Variants in RBX1 observed in about 807,000 individuals in gnomAD.
The protein encoded by RBX1 is ring-box 1.
For missense variants in RBX1, 46 were observed against 141.4 expected, an observed-to-expected ratio of 0.33 and a Z score of 3.42; for synonymous variants, 48 against 47.9, an observed-to-expected ratio of 1.00 and a Z score of -0.01.
At chr22:40,953,709 CT>C (rs1378720737) in intron 2 of RBX1, 76 bp downstream of exon 2, 1 of 988,916 alleles carries the variant, frequency 1.0e-6, no homozygotes, top group East Asian at 2.5e-5. Context: ...GACTGATTTT[CT>C]TCTTCACACG....
rs140699705 is a variant in RBX1 at position 40,964,979 on chromosome 22, C to T, written c.228+862C>T. Among the ~76,000 whole-genome samples the T allele has an allele frequency of 9.1e-4, 139 of 152,250 alleles. 2 individuals carry two copies. In the Middle Eastern group the frequency reaches 0.014, roughly 15 times the overall value. Reference sequence around the variant, plus strand: ...TGTTAAAATGTGATTAAACAACTCCCGGCACATAGTAAGCACAAGTGCTTG... The same window carrying T: ...TGTTAAAATGTGATTAAACAACTCCTGGCACATAGTAAGCACAAGTGCTTG... On this transcript the variant is annotated intron_variant, in intron 3 of 4. Coordinates refer to ENST00000216225, the MANE Select transcript of RBX1 (RefSeq NM_014248.4).
rs1029529305 is a variant in RBX1 at position 40,972,966 on chromosome 22, T to TG, written c.*481dup. ...AGTTCTGAGTCCTGGTTCCACAGCTTGGGTACTGATGGCAATCTTGGCCAA... is the reference window on the plus strand; with the variant it reads ...AGTTCTGAGTCCTGGTTCCACAGCTTGGGGTACTGATGGCAATCTTGGCCAA... On this transcript the variant is annotated 3_prime_UTR_variant, in exon 5 of 5. Transcript: ENST00000216225. 1 of 159,622 alleles carries TG rather than the reference T, an allele frequency of 6.3e-6. No individual in the cohort carries two copies. The highest frequency in any genetic ancestry group is 2.4e-5 in the African/African-American group (1 of 41,610). The allele number at this position is 159,622 out of a possible 1,614,324, so 9.9% of individuals were successfully genotyped here.
intron 2 of RBX1, among the ~76,000 whole-genome samples, chr22:40,955,724 T>C (rs1466031856): frequency 1.3e-5 from 2 of 152,240 alleles, no homozygotes; most frequent in African/African-American, 4.8e-5. Flanking sequence ...TGTTTTCAAC[T>C]TGAAAAGCAC....
chr22:40,969,102 T>G (rs892164955), intron 4 of RBX1, among the ~76,000 whole-genome samples: 1 of 151,808 alleles, frequency 6.6e-6, no homozygotes, highest in African/African-American at 2.4e-5. Context: ...TCACCTGAGG[T>G]TGGGTGTTCA....
At chr22:40,962,829 A>G (rs1448915030) in intron 2 of RBX1, among the ~76,000 whole-genome samples, 1 of 149,698 alleles carries the variant, frequency 6.7e-6, no homozygotes, top group Non-Finnish European at 1.5e-5. Flanking sequence ...AGTAGCTGGG[A>G]CTACAGGCAC....
intron 2 of RBX1, among the ~76,000 whole-genome samples, chr22:40,960,648 G>A (rs1466303459): frequency 6.6e-6 from 1 of 152,114 alleles, no homozygotes; most frequent in Non-Finnish European, 1.5e-5. Context: ...CTCTAAGTTA[G>A]AGGATCCAGC....
rs531809186 is a variant in RBX1, at chr22:40,961,852, T to A, written c.158-2195T>A. Among the ~76,000 whole-genome samples, 10 of 151,576 alleles carry A rather than the reference T, an allele frequency of 6.6e-5. No homozygotes were observed. In the South Asian group the frequency reaches 2.1e-3, roughly 32 times the overall value. On this transcript the variant is annotated intron_variant, in intron 2 of 4. Coordinates refer to ENST00000216225, the MANE Select transcript of RBX1 (RefSeq NM_014248.4). ...CAGGCTGGAATGCAGTGGTGTGATC[T>A]CGGCTCACTGCAGCCTCTGCCTCCT...
At chr22:40,967,554 A>C (rs548235287) in intron 3 of RBX1, 15 of 387,454 alleles carry the variant, frequency 3.9e-5, no homozygotes, top group Admixed American at 3.5e-4. Flanking sequence ...CAGTGCTGGC[A>C]CATACTCCTG....
intron 4 of RBX1, among the ~76,000 whole-genome samples, chr22:40,971,929 G>A (rs769764421): frequency 1.4e-4 from 22 of 152,066 alleles, no homozygotes; most frequent in Non-Finnish European, 2.6e-4. Context: ...CAAAATCCAC[G>A]CCTAGCTTCT....
intron 4 of RBX1, among the ~76,000 whole-genome samples, chr22:40,969,272 A>G (rs1375002411): frequency 6.6e-6 from 1 of 152,192 alleles, no homozygotes; most frequent in African/African-American, 2.4e-5. Flanking sequence ...AGATCGCACC[A>G]TCGCACTCCA....
intron 2 of RBX1, among the ~76,000 whole-genome samples, chr22:40,956,500 C>A (rs2058325751): frequency 6.6e-6 from 1 of 151,144 alleles, no homozygotes; most frequent in Non-Finnish European, 1.5e-5. Context: ...CAGGTGTGGG[C>A]CACCTCACCC....
At chr22:40,957,929 A>G (rs1455652928) in intron 2 of RBX1, among the ~76,000 whole-genome samples, 2 of 151,888 alleles carry the variant, frequency 1.3e-5, no homozygotes, top group Admixed American at 6.6e-5. Flanking sequence ...GGTTCAAACA[A>G]TTCTCCTGCC....
chr22:40,967,971 A>G (rs2058358542), intron 4 of RBX1, 87 bp downstream of exon 4: 1 of 850,292 alleles, frequency 1.2e-6, no homozygotes, highest in Non-Finnish European at 2.0e-6. Context: ...GACATGATAC[A>G]TGCCTTGTTT....
intron 2 of RBX1, among the ~76,000 whole-genome samples, chr22:40,962,757 A>G (rs1184984774): frequency 2.1e-5 from 3 of 144,396 alleles, no homozygotes; most frequent in South Asian, 2.2e-4. Flanking sequence ...CAGTGATGCA[A>G]TCTTGGCTCA....
chr22:40,955,624 A>G (rs953723957), intron 2 of RBX1, among the ~76,000 whole-genome samples: 1 of 152,254 alleles, frequency 6.6e-6, no homozygotes, highest in Non-Finnish European at 1.5e-5. Flanking sequence ...TCAAGTGCTC[A>G]GTAGTCACAT....
At chr22:40,971,859 C>T (rs1175790529) in intron 4 of RBX1, among the ~76,000 whole-genome samples, 2 of 151,934 alleles carry the variant, frequency 1.3e-5, no homozygotes, top group Non-Finnish European at 2.9e-5. Context: ...ACCCGGCCCC[C>T]GTTAATTTTT....
chr22:40,962,496 T>C (rs1468959129), intron 2 of RBX1, among the ~76,000 whole-genome samples: 3 of 136,406 alleles, frequency 2.2e-5, no homozygotes, highest in African/African-American at 5.4e-5. Flanking sequence ...ATAGTTTTAC[T>C]TTTTTTTTTT....
intron 3 of RBX1, among the ~76,000 whole-genome samples, chr22:40,964,859 T>TAGGC (rs1298896184): frequency 6.6e-6 from 1 of 152,150 alleles, no homozygotes; most frequent in African/African-American, 2.4e-5. Context: ...TAAGTGACGT[T>TAGGC]AGGCAAGGCA....
chr22:40,954,419 C>T (rs2058319595), intron 2 of RBX1, among the ~76,000 whole-genome samples: 1 of 152,090 alleles, frequency 6.6e-6, no homozygotes, highest in Non-Finnish European at 1.5e-5. Flanking sequence ...ATTAATTGCA[C>T]TAAAGAAATT....
Sources: allele counts gnomAD v4.1 joint callset (sites outside exome capture counted in the v4.1 genomes callset), GRCh38; gene constraint gnomAD v4.1.1; transcripts MANE v1.5; gene names NCBI Gene and HGNC (gene_info 2026-07-23, HGNC 2026-07-21).